The following NALCN variants were observed in gnomAD, a reference collection of about 807,000 sequenced individuals.
The protein encoded by NALCN is sodium leak channel, non-selective.
Under a neutral mutation model 225.3 loss-of-function variants are expected in NALCN, and 111 were observed. That is an observed-to-expected ratio of 0.49 (90% CI 0.42 to 0.58). The LOEUF (loss-of-function observed/expected upper bound fraction) is 0.58. NALCN is among the 20% of genes least tolerant of loss of function. The pLI is 0.00. For synonymous variants in NALCN, 764 were observed against 769.0 expected (o/e 0.99, Z 0.11); for missense variants, 1,378 against 2,202.4 (o/e 0.63, Z 7.49).
intron 13 of NALCN, among the ~76,000 whole-genome samples, chr13:101,222,903 A>G (rs1295654811): frequency 6.6e-6 from 1 of 152,178 alleles, no homozygotes; most frequent in Admixed American, 6.5e-5. Context: ...AACATCAGAC[A>G]AAAGCCACAT....
At position 101,176,386 on chromosome 13, in the gene NALCN, T is replaced by C; in HGVS notation, c.1765-12A>G. On this transcript the variant is annotated splice_polypyrimidine_tract_variant and intron_variant, in intron 14 of 43. Coordinates refer to ENST00000251127, the MANE Select transcript of NALCN (RefSeq NM_052867.4). ...AAACTCAGGAGGATCTATAAAATGG[T>C]GAAATAACAATGAAAAAACCCACAT... 6.3e-7 allele frequency: 1 copy of C among 1,580,986 alleles called. No individual in the cohort carries two copies. Among genetic ancestry groups the C allele is most frequent in the African/African-American group, 1.4e-5 (1 of 73,056 alleles).
At chr13:101,227,908 C>T (rs931093782) in intron 13 of NALCN, among the ~76,000 whole-genome samples, 6 of 152,170 alleles carry the variant, frequency 3.9e-5, no homozygotes, top group African/African-American at 1.2e-4. Flanking sequence ...GATGGGAATC[C>T]GTTCCCTTGC....
At chr13:101,334,416 AT>A (rs2045301500) in intron 7 of NALCN, among the ~76,000 whole-genome samples, 1 of 151,692 alleles carries the variant, frequency 6.6e-6, no homozygotes. Context: ...GAACACATAC[AT>A]TCAAGAAGAG....
intron 13 of NALCN, among the ~76,000 whole-genome samples, chr13:101,221,577 C>T (rs1013384569): frequency 1.3e-5 from 2 of 152,090 alleles, no homozygotes; most frequent in Non-Finnish European, 2.9e-5. Flanking sequence ...TCAATTAGAC[C>T]TCTCCCAACT....
intron 17 of NALCN, 100 bp downstream of exon 17, chr13:101,142,961 ATTTTATTTTCATTATTCTC>A: frequency 7.5e-7 from 1 of 1,329,354 alleles, no homozygotes; most frequent in Non-Finnish European, 1.1e-6. Context: ...AAATGAAATC[ATTTTATTTTCATTATTCTC>A]TTGAGAAATT....
intron 13 of NALCN, among the ~76,000 whole-genome samples, chr13:101,196,224 C>T (rs982338305): frequency 2.0e-5 from 3 of 152,136 alleles, no homozygotes; most frequent in African/African-American, 7.2e-5. Flanking sequence ...CTATTTCTCA[C>T]ATGTCTCATT....
chr13:101,222,960 A>G (rs2140113469), intron 13 of NALCN, among the ~76,000 whole-genome samples: 1 of 152,288 alleles, frequency 6.6e-6, no homozygotes, highest in Non-Finnish European at 1.5e-5. Context: ...ACATGTCTCA[A>G]CCAATCACCC....
intron 7 of NALCN, among the ~76,000 whole-genome samples, chr13:101,306,118 T>C (rs1339590551): frequency 6.6e-6 from 1 of 152,132 alleles, no homozygotes. Context: ...CTATCCAGAT[T>C]AATTTCCATG....
At chr13:101,348,477 C>A (rs964492595) in intron 6 of NALCN, among the ~76,000 whole-genome samples, 2 of 152,074 alleles carry the variant, frequency 1.3e-5, no homozygotes, top group Admixed American at 6.6e-5. Context: ...CTCAGTTATC[C>A]CACTTCCAAA....
At chr13:101,106,362 G>C (rs781605045) in intron 22 of NALCN, among the ~76,000 whole-genome samples, 4 of 152,184 alleles carry the variant, frequency 2.6e-5, no homozygotes, top group Non-Finnish European at 5.9e-5. Context: ...GTCCATAACA[G>C]ATAGTGATTA....
intron 10 of NALCN, among the ~76,000 whole-genome samples, chr13:101,280,478 T>A: frequency 6.6e-6 from 1 of 152,194 alleles, no homozygotes; most frequent in East Asian, 1.9e-4. Flanking sequence ...CTGTCATTAA[T>A]CCCTTGTTAT....
chr13:101,375,480 A>G (rs1365914470), intron 6 of NALCN, among the ~76,000 whole-genome samples: 1 of 152,200 alleles, frequency 6.6e-6, no homozygotes, highest in African/African-American at 2.4e-5. Context: ...AGACTTTATG[A>G]AAAAGAAATC....
At chr13:101,106,621 T>C (rs548044727) in intron 22 of NALCN, among the ~76,000 whole-genome samples, 3 of 152,296 alleles carry the variant, frequency 2.0e-5, no homozygotes, top group Non-Finnish European at 4.4e-5. Flanking sequence ...AATTGAATCA[T>C]GGGGGCGGTT....
intron 27 of NALCN, among the ~76,000 whole-genome samples, chr13:101,100,245 A>G (rs1424043427): frequency 3.3e-5 from 5 of 152,172 alleles, no homozygotes; most frequent in African/African-American, 9.6e-5. Flanking sequence ...CTGTTTGCTG[A>G]TATGAGTCTT....
intron 7 of NALCN, among the ~76,000 whole-genome samples, chr13:101,337,465 T>C (rs1050535052): frequency 4.6e-5 from 7 of 151,916 alleles, no homozygotes; most frequent in African/African-American, 1.7e-4. Flanking sequence ...CCCGCCATCA[T>C]GCCCAGCTAA....
intron 14 of NALCN, among the ~76,000 whole-genome samples, chr13:101,186,411 G>A (rs1157419432): frequency 6.6e-6 from 1 of 152,162 alleles, no homozygotes; most frequent in Non-Finnish European, 1.5e-5. Context: ...TAGAGGTTCA[G>A]TAAAACTGTA....
intron 1 of NALCN, among the ~76,000 whole-genome samples, chr13:101,413,192 C>A (rs1410837354): frequency 6.6e-6 from 1 of 152,086 alleles, no homozygotes; most frequent in East Asian, 1.9e-4. Flanking sequence ...TAAAGACATA[C>A]AATATATCTC....
At chr13:101,218,957 T>TA (rs1222553368) in intron 13 of NALCN, among the ~76,000 whole-genome samples, 1 of 152,142 alleles carries the variant, frequency 6.6e-6, no homozygotes, top group Non-Finnish European at 1.5e-5. Flanking sequence ...ATCTTCCTCT[T>TA]ATGCATATTT....
At chr13:101,333,548 T>A (rs1275210365) in intron 7 of NALCN, among the ~76,000 whole-genome samples, 1 of 152,214 alleles carries the variant, frequency 6.6e-6, no homozygotes, top group African/African-American at 2.4e-5. Flanking sequence ...AAGCACTTTG[T>A]CAAAGGCTGG....
Sources: gnomAD v4.1 joint callset for allele counts (sites outside exome capture counted in the v4.1 genomes callset) on GRCh38, gnomAD v4.1.1 for gene constraint, MANE v1.5 for transcripts, NCBI Gene and HGNC (gene_info 2026-07-23, HGNC 2026-07-21) for gene names.